The following SPTSSA variants were observed in gnomAD, a reference collection of about 807,000 sequenced individuals.
SPTSSA encodes the protein small subunit of serine palmitoyltransferase A.
Under a neutral mutation model 9.1 loss-of-function variants are expected in SPTSSA, and 8 were observed. That is an observed-to-expected ratio of 0.88 (90% CI 0.51 to 1.58). SPTSSA has a LOEUF of 1.58. SPTSSA is among the 40% of genes most tolerant of loss of function. The pLI, the probability that SPTSSA is intolerant of heterozygous loss-of-function variation, is 0.00. For synonymous variants in SPTSSA, 42 were observed against 37.7 expected (o/e 1.11, Z -0.41); for missense variants, 100 against 93.8 (o/e 1.07, Z -0.27).
At chr14:34,449,428 C>T (rs1037810981) in intron 1 of SPTSSA, among the ~76,000 whole-genome samples, 6 of 151,854 alleles carry the variant, frequency 4.0e-5, no homozygotes, top group African/African-American at 1.5e-4. Context: ...TCTAGATCAC[C>T]TGACCTGGTG....
At chr14:34,455,089 GA>G (rs994061837) in intron 1 of SPTSSA, among the ~76,000 whole-genome samples, 36 of 131,750 alleles carry the variant, frequency 2.7e-4, no homozygotes, top group Admixed American at 3.2e-4. Flanking sequence ...TCCATCTTGA[GA>G]AAAAAAAAAA....
intron 1 of SPTSSA, among the ~76,000 whole-genome samples, chr14:34,442,224 G>A (rs965581218): frequency 5.3e-5 from 8 of 152,042 alleles, no homozygotes; most frequent in Non-Finnish European, 8.8e-5. Flanking sequence ...TTCCGCACAC[G>A]GTCCCTGATC....
rs1194030422 is a variant in SPTSSA, at chr14:34,462,237, G to A, written c.-30C>T. Reference sequence around the variant, plus strand: ...CTCCCGCGATGCAGCTCACACGTCAGTCTGTCCGGCCGGCCGCCCGCTCAC... The same window carrying A: ...CTCCCGCGATGCAGCTCACACGTCAATCTGTCCGGCCGGCCGCCCGCTCAC... On this transcript the variant is annotated 5_prime_UTR_variant, in exon 1 of 2. Transcript: ENST00000298130. 1 of 1,463,824 alleles carries A rather than the reference G, an allele frequency of 6.8e-7. No individual in the cohort carries two copies. The highest frequency in any genetic ancestry group is 3.1e-5 in the East Asian group (1 of 32,314). The allele number at this position is 1,463,824 out of a possible 1,614,324, so 90.7% of individuals were successfully genotyped here.
rs142292723 is a variant in SPTSSA, at chr14:34,455,080, C to T, written c.112+7016G>A. On this transcript the variant is annotated intron_variant, in intron 1 of 1. Coordinates refer to ENST00000298130, the MANE Select transcript of SPTSSA (RefSeq NM_138288.4). ...CCAGCCTAGGTAACAGATCAAGACT[C>T]CATCTTGAGAAAAAAAAAAAATAGG... 2.1e-3 allele frequency among the ~76,000 whole-genome samples: 317 copies of T among 150,870 alleles called. 1 individual carries two copies. The highest frequency in any genetic ancestry group is 7.3e-3 in the African/African-American group (298 of 41,054).
At chr14:34,441,975 A>C (rs1263059504) in intron 1 of SPTSSA, among the ~76,000 whole-genome samples, 2 of 152,116 alleles carry the variant, frequency 1.3e-5, no homozygotes, top group African/African-American at 4.8e-5. Flanking sequence ...TCCCGGGTTC[A>C]AGCAGTTCTC....
intron 1 of SPTSSA, among the ~76,000 whole-genome samples, chr14:34,448,585 A>G (rs901871139): frequency 3.9e-5 from 6 of 152,180 alleles, no homozygotes; most frequent in Admixed American, 1.3e-4. Flanking sequence ...CAAGTAACCA[A>G]TGGAATCCTC....
At chr14:34,446,795 C>A (rs965093511) in intron 1 of SPTSSA, among the ~76,000 whole-genome samples, 4 of 152,322 alleles carry the variant, frequency 2.6e-5, no homozygotes, top group East Asian at 1.9e-4. Flanking sequence ...ATTTTAAATT[C>A]TCTTGTGAAA....
intron 1 of SPTSSA, among the ~76,000 whole-genome samples, chr14:34,439,941 C>T (rs1261469093): frequency 6.6e-6 from 1 of 151,816 alleles, no homozygotes; most frequent in Non-Finnish European, 1.5e-5. Flanking sequence ...GTTATCTCCT[C>T]TTGTATTAGG....
chr14:34,453,608 G>C lies in SPTSSA; in HGVS notation c.112+8488C>G, dbSNP rs1210787249. ...CCTCAAGATGCCAAGTATTGTGTTT[G>C]TTAGTGCTTGCTTACTAAATTGCAT... On this transcript the variant is annotated intron_variant, in intron 1 of 1. Transcript: ENST00000298130. 3.3e-5 allele frequency among the ~76,000 whole-genome samples: 5 copies of C among 152,208 alleles called. No homozygotes were observed. The East Asian group carries it at 9.6e-4, about 29-fold the overall frequency.
In SPTSSA at chr14:34,443,171, G is replaced by GTGTGTGTGTGTGTGTT. The variant is rs775781106; in HGVS notation, c.113-7868_113-7867insAACACACACACACACA. On this transcript the variant is annotated intron_variant, in intron 1 of 1. Transcript: ENST00000298130. ...TGTGTGTGTGTGTGTGTGTGTGTGT[G>GTGTGTGTGTGTGTGTT]TTTTGAGATTGAGTTTTCCTCTAGG... Among the ~76,000 whole-genome samples the GTGTGTGTGTGTGTGTT allele has an allele frequency of 2.6e-3, 164 of 62,120 alleles. 36 individuals carry two copies. The highest frequency in any genetic ancestry group is 0.013 in the African/African-American group (83 of 6,380). 40.8% of individuals were successfully genotyped at this position (62,120 alleles called of 152,430 possible).
chr14:34,460,395 A>G (rs1878592057), intron 1 of SPTSSA, among the ~76,000 whole-genome samples: 1 of 152,232 alleles, frequency 6.6e-6, no homozygotes, highest in Non-Finnish European at 1.5e-5. Context: ...ATGGTAACTC[A>G]AAAACATTAA....
intron 1 of SPTSSA, among the ~76,000 whole-genome samples, chr14:34,443,198 GGTGTGTGTGTGT>G (rs76985104): frequency 4.4e-4 from 5 of 11,478 alleles, no homozygotes; most frequent in African/African-American, 1.1e-3. Context: ...TCCTCTAGGG[GGTGTGTGTGTGT>G]GTGTGTGTGT....
chr14:34,442,157 T>C (rs1883328214), intron 1 of SPTSSA, among the ~76,000 whole-genome samples: 1 of 152,192 alleles, frequency 6.6e-6, no homozygotes, highest in Admixed American at 6.5e-5. Flanking sequence ...ATTACAGGTG[T>C]GAGCCACCTC....
chr14:34,439,415 A>G (rs1183632912), intron 1 of SPTSSA, among the ~76,000 whole-genome samples: 1 of 152,098 alleles, frequency 6.6e-6, no homozygotes, highest in Non-Finnish European at 1.5e-5. Context: ...AGGTGGGAGG[A>G]TTACTTGAAC....
rs557089369 is a variant in SPTSSA, at chr14:34,454,241, T to C, written c.112+7855A>G. On this transcript the variant is annotated intron_variant, in intron 1 of 1. Transcript: ENST00000298130. ...TGTGCCATAAATGTTACAACACTCA[T>C]AGTCTGGAGGAATCACAAAGTCTTT... Among the ~76,000 whole-genome samples the C allele has an allele frequency of 3.7e-4, 57 of 152,254 alleles. 1 individual carries two copies. In the South Asian group the frequency reaches 0.011, roughly 30 times the overall value.
At chr14:34,435,644 T>G (rs901419541) in intron 1 of SPTSSA, among the ~76,000 whole-genome samples, 315 of 148,632 alleles carry the variant, frequency 2.1e-3, no homozygotes, top group Non-Finnish European at 3.9e-3. Flanking sequence ...TTTTTTTTTT[T>G]TGAGACAGAG....
intron 1 of SPTSSA, among the ~76,000 whole-genome samples, chr14:34,435,692 C>T (rs1295667734): frequency 2.1e-5 from 3 of 140,470 alleles, no homozygotes; most frequent in African/African-American, 5.5e-5. Flanking sequence ...TGTAATGGCA[C>T]GATCTCGGCT....
At chr14:34,449,280 A>G (rs748870022) in intron 1 of SPTSSA, among the ~76,000 whole-genome samples, 17 of 152,156 alleles carry the variant, frequency 1.1e-4, no homozygotes, top group Non-Finnish European at 2.1e-4. Context: ...CTGTAGTCCC[A>G]GATACTCGGG....
intron 1 of SPTSSA, among the ~76,000 whole-genome samples, chr14:34,443,115 C>T (rs553557862): frequency 8.2e-5 from 8 of 98,080 alleles, no homozygotes; most frequent in African/African-American, 1.4e-4. Flanking sequence ...CAGGTTCAAG[C>T]GATTCTCCTG....
Sources: gnomAD v4.1 joint callset for allele counts (sites outside exome capture counted in the v4.1 genomes callset) on GRCh38, gnomAD v4.1.1 for gene constraint, MANE v1.5 for transcripts, NCBI Gene and HGNC (gene_info 2026-07-23, HGNC 2026-07-21) for gene names.